Variants in DOCK5 observed in about 807,000 individuals in gnomAD.
DOCK5 encodes the protein dedicator of cytokinesis protein 5.
A neutral mutation model predicts 251.8 loss-of-function variants in DOCK5; 142 were observed. That is an observed-to-expected ratio of 0.56 (90% CI 0.49 to 0.65). DOCK5 has a LOEUF of 0.65. Among genes scored for constraint, DOCK5 ranks in the 30% least tolerant of loss-of-function variants. The pLI, the probability that DOCK5 is intolerant of heterozygous loss-of-function variation, is 0.00. For missense variants in DOCK5, 2,111 were observed against 2,312.3 expected (o/e 0.91, Z 1.79); for synonymous variants, 842 against 835.5 (o/e 1.01, Z -0.13).
chr8:25,279,020 AT>A (rs893974546), intron 5 of DOCK5, among the ~76,000 whole-genome samples: 2 of 152,196 alleles, frequency 1.3e-5, no homozygotes, highest in African/African-American at 2.4e-5. Flanking sequence ...ATTATTATTA[AT>A]TTGTTAATAA....
chr8:25,331,558 A>G (rs561251628), intron 18 of DOCK5, among the ~76,000 whole-genome samples: 294 of 152,272 alleles, frequency 1.9e-3, no homozygotes, highest in Middle Eastern at 6.8e-3. Context: ...TGTTTGAAAT[A>G]GCCACCTGTC....
At chr8:25,187,657 C>G (rs1801468593) in intron 1 of DOCK5, among the ~76,000 whole-genome samples, 1 of 152,016 alleles carries the variant, frequency 6.6e-6, no homozygotes, top group South Asian at 2.1e-4. Flanking sequence ...AAGTCTGAGC[C>G]TCCGTTCCAA....
At chr8:25,390,341 T>C in intron 42 of DOCK5, 54 bp downstream of exon 42, 1 of 1,443,942 alleles carries the variant, frequency 6.9e-7, no homozygotes, top group Non-Finnish European at 9.4e-7. Flanking sequence ...GCACAGTGGC[T>C]CACATCTATA....
chr8:25,414,319 G>A lies in DOCK5; in HGVS notation c.*3021G>A, dbSNP rs551371017. On this transcript the variant is annotated 3_prime_UTR_variant, in exon 52 of 52. Transcript: ENST00000276440. The stretch of plus-strand genomic sequence containing the variant: ...CTGGTGTGCTGTAGGATTGGAAAGG[G>A]AGTGGTACCAGATGAAAATGAAACC... 3 of 152,334 alleles carry A rather than the reference G, an allele frequency of 2.0e-5. No individual in the cohort carries two copies. Among genetic ancestry groups the A allele is most frequent in the Middle Eastern group, 6.8e-3 (2 of 294 alleles). 9.4% of individuals were successfully genotyped at this position (152,334 alleles called of 1,614,324 possible). A position where few individuals can be genotyped will look rare whatever the true frequency, so the allele number is the denominator to read the frequency against.
chr8:25,258,642 C>G (rs1193675888), intron 2 of DOCK5, among the ~76,000 whole-genome samples: 1 of 152,180 alleles, frequency 6.6e-6, no homozygotes, highest in Admixed American at 6.5e-5. Flanking sequence ...CACTCAGACC[C>G]TGCTATCCAA....
intron 21 of DOCK5, 133 bp downstream of exon 21, chr8:25,334,329 AGCTTCCGGGTG>A: frequency 2.8e-6 from 2 of 715,884 alleles, no homozygotes; most frequent in Admixed American, 2.6e-5. Context: ...TCTTATTCTA[AGCTTCCGGGTG>A]GAAAAAGGGA....
chr8:25,246,878 CTTTTGTT>C (rs1334322379), intron 2 of DOCK5, among the ~76,000 whole-genome samples: 1 of 149,100 alleles, frequency 6.7e-6, no homozygotes, highest in Non-Finnish European at 1.5e-5. Flanking sequence ...TAGGTAATGT[CTTTTGTT>C]TTTTGTTTTT....
At chr8:25,239,546 G>A (rs945523311) in intron 1 of DOCK5, among the ~76,000 whole-genome samples, 3 of 152,048 alleles carry the variant, frequency 2.0e-5, no homozygotes, top group Non-Finnish European at 4.4e-5. Flanking sequence ...TGAGAAGGGG[G>A]CCAATGGAAG....
At chr8:25,293,731 A>G (rs1456226892) in intron 6 of DOCK5, among the ~76,000 whole-genome samples, 1 of 152,122 alleles carries the variant, frequency 6.6e-6, no homozygotes, top group African/African-American at 2.4e-5. Context: ...AGGCCAGGTG[A>G]GGTTGCTCAT....
chr8:25,263,731 G>A (rs1563329763), intron 2 of DOCK5, among the ~76,000 whole-genome samples: 2 of 151,582 alleles, frequency 1.3e-5, no homozygotes, highest in Non-Finnish European at 2.9e-5. Context: ...TTACACGGAT[G>A]CCCACCTCGG....
chr8:25,281,893 A>G (rs1804204410), intron 5 of DOCK5, among the ~76,000 whole-genome samples: 1 of 123,076 alleles, frequency 8.1e-6, no homozygotes, highest in African/African-American at 3.6e-5. Flanking sequence ...AAAAAAGAAA[A>G]AAAAAAAAAA....
At chr8:25,337,468 TTATC>T (rs1805843020) in intron 22 of DOCK5, among the ~76,000 whole-genome samples, 1 of 142,982 alleles carries the variant, frequency 7.0e-6, no homozygotes, top group Admixed American at 6.8e-5. Context: ...ATCTAGAAAT[TTATC>T]TAATGGAAAA....
intron 2 of DOCK5, among the ~76,000 whole-genome samples, chr8:25,262,795 C>A (rs1803629068): frequency 6.6e-6 from 1 of 151,934 alleles, no homozygotes; most frequent in Non-Finnish European, 1.5e-5. Flanking sequence ...CCCATTAATC[C>A]CTCATAGAAA....
intron 30 of DOCK5, among the ~76,000 whole-genome samples, chr8:25,365,225 G>T (rs887999379): frequency 2.6e-5 from 4 of 152,206 alleles, no homozygotes; most frequent in South Asian, 2.1e-4. Context: ...GTACTTACAT[G>T]TACAGGGCCC....
intron 1 of DOCK5, among the ~76,000 whole-genome samples, chr8:25,194,537 G>A (rs907308866): frequency 6.6e-6 from 1 of 151,888 alleles, no homozygotes; most frequent in African/African-American, 2.4e-5. Flanking sequence ...TTATCTACCT[G>A]ATAACAAGTG....
intron 48 of DOCK5, among the ~76,000 whole-genome samples, chr8:25,407,018 C>G (rs370997169): frequency 2.6e-4 from 39 of 152,202 alleles, no homozygotes; most frequent in African/African-American, 8.9e-4. Context: ...TATTCTTCTA[C>G]TATAGAATAT....
At chr8:25,388,950 A>C in intron 40 of DOCK5, 141 bp from the exon 41 acceptor site, 1 of 730,584 alleles carries the variant, frequency 1.4e-6, no homozygotes, top group Non-Finnish European at 2.2e-6. Flanking sequence ...CTGTCAGGCA[A>C]GGACTAGATT....
Position 25,211,976 on chromosome 8 carries a change from C to T in DOCK5, c.43+27025C>T, listed in dbSNP as rs1218869907. Among the ~76,000 whole-genome samples, 8 of 67,500 alleles carry T rather than the reference C, an allele frequency of 1.2e-4. 4 individuals carry two copies. The highest frequency in any genetic ancestry group is 3.4e-4 in the Admixed American group (2 of 5,920). 44.3% of individuals were successfully genotyped at this position (67,500 alleles called of 152,430 possible). A position where few individuals can be genotyped will look rare whatever the true frequency, so the allele number is the denominator to read the frequency against. On this transcript the variant is annotated intron_variant, in intron 1 of 51. Transcript: ENST00000276440. ...GAGATCGACACCATATTGGCTAACA[C>T]GGTGAATCCCTGTCTATACTGAAAA... is the stretch of plus-strand genomic sequence containing the variant.
chr8:25,394,860 A>T (rs1017603074), intron 44 of DOCK5, among the ~76,000 whole-genome samples: 5 of 152,002 alleles, frequency 3.3e-5, no homozygotes, highest in Admixed American at 3.3e-4. Context: ...TGGTGTCCTT[A>T]TAAGCTAGCA....
Sources: allele counts gnomAD v4.1 joint callset (sites outside exome capture counted in the v4.1 genomes callset), GRCh38; gene constraint gnomAD v4.1.1; transcripts MANE v1.5; gene names NCBI Gene and HGNC (gene_info 2026-07-23, HGNC 2026-07-21).